Variants in ZNF487 observed in about 807,000 individuals in gnomAD.
The protein encoded by ZNF487 is KRAB domain only 1.
Under a neutral mutation model 3.0 loss-of-function variants are expected in ZNF487, and 4 were observed. That is an observed-to-expected ratio of 1.35 (90% CI 0.66 to 3.08). The LOEUF (loss-of-function observed/expected upper bound fraction) is 3.08, where lower values mean the gene tolerates loss of function less well. ZNF487 is among the 30% of genes most tolerant of loss of function. The pLI is 0.01. For missense variants in ZNF487, 146 were observed against 98.7 expected (o/e 1.48, Z -2.03); for synonymous variants, 55 against 34.6 (o/e 1.59, Z -2.06).
At chr10:43,515,545 A>G in the ZNF487 span, among the ~76,000 whole-genome samples, 2 of 152,182 alleles carry the variant, frequency 1.3e-5, no homozygotes, top group African/African-American at 4.8e-5. Context: ...CACCATTCCA[A>G]GTTGCAGGTC....
intron 1 of ZNF487, among the ~76,000 whole-genome samples, chr10:43,454,937 CAAAAAA>C (rs58217923): frequency 1.2e-5 from 1 of 85,426 alleles, no homozygotes; most frequent in Non-Finnish European, 2.1e-5. Context: ...GACCTTGTCT[CAAAAAA>C]AAAAAAAAAA....
intron 1 of ZNF487, among the ~76,000 whole-genome samples, chr10:43,444,081 C>T (rs1466873234): frequency 6.6e-6 from 1 of 151,784 alleles, no homozygotes; most frequent in Non-Finnish European, 1.5e-5. Flanking sequence ...TCTCCATCTC[C>T]TGACCTCGTG....
intron 1 of ZNF487, among the ~76,000 whole-genome samples, chr10:43,443,806 G>A (rs1339582840): frequency 6.6e-6 from 1 of 151,106 alleles, no homozygotes; most frequent in African/African-American, 2.4e-5. Flanking sequence ...GTACAGACAC[G>A]AACCACTGCA....
At chr10:43,467,165 G>A (rs766314348) in intron 1 of ZNF487, among the ~76,000 whole-genome samples, 2 of 151,890 alleles carry the variant, frequency 1.3e-5, no homozygotes, top group African/African-American at 4.8e-5. Context: ...ATGAGCCGCC[G>A]CACCCGGCCA....
intron 1 of ZNF487, among the ~76,000 whole-genome samples, chr10:43,474,060 C>CT (rs1841000466): frequency 6.6e-6 from 1 of 151,468 alleles, no homozygotes; most frequent in African/African-American, 2.4e-5. Context: ...ACTCAGGAGG[C>CT]TGAGGTAAGA....
At chr10:43,506,711 T>C in the ZNF487 span, among the ~76,000 whole-genome samples, 1 of 152,126 alleles carries the variant, frequency 6.6e-6, no homozygotes, top group African/African-American at 2.4e-5. Context: ...GAAATATCTC[T>C]GTGGTCTTGC....
the ZNF487 span, among the ~76,000 whole-genome samples, chr10:43,511,388 A>G: frequency 1.3e-5 from 2 of 152,186 alleles, no homozygotes; most frequent in Admixed American, 6.5e-5. Context: ...GATGGTGGAT[A>G]AGGCATTCTG....
chr10:43,488,145 C>T (rs897194601), downstream of ZNF487, among the ~76,000 whole-genome samples: 4 of 151,278 alleles, frequency 2.6e-5, no homozygotes, highest in Non-Finnish European at 5.9e-5. Context: ...TAATTGTGAG[C>T]TTTAAAACTA....
intron 1 of ZNF487, among the ~76,000 whole-genome samples, chr10:43,439,569 G>T (rs535200570): frequency 6.6e-6 from 1 of 152,018 alleles, no homozygotes; most frequent in Non-Finnish European, 1.5e-5. Flanking sequence ...TGGGCATGGT[G>T]GTGGGCGCCT....
chr10:43,498,087 ATATATATATATATTTTTTTTTTTTTTCTT>A, the ZNF487 span, among the ~76,000 whole-genome samples: 1 of 13,414 alleles, frequency 7.5e-5, no homozygotes, highest in African/African-American at 3.9e-4. Context: ...ATATATATAT[ATATATATATATATTTTTTTTTTTTTTCTT>A]TTTTTTTTTT....
chr10:43,494,624 AG>A, the ZNF487 span, among the ~76,000 whole-genome samples: 1 of 151,820 alleles, frequency 6.6e-6, no homozygotes, highest in Non-Finnish European at 1.5e-5. Context: ...GGTGGGTTCG[AG>A]ATATACCTTA....
chr10:43,453,224 C>T (rs1280853097), intron 1 of ZNF487: 2 of 152,086 alleles, frequency 1.3e-5, no homozygotes, highest in Non-Finnish European at 2.9e-5. Flanking sequence ...CTTGAGAAAG[C>T]AATGTTCCTT....
rs564311744 is a variant in ZNF487 at position 43,437,878 on chromosome 10, CA to C, written c.-94+617del. Among the ~76,000 whole-genome samples, 333 of 151,750 alleles carry C rather than the reference CA, an allele frequency of 2.2e-3. 2 individuals carry two copies. Among genetic ancestry groups the C allele is most frequent in the African/African-American group, 7.6e-3 (316 of 41,370 alleles). On this transcript the variant is annotated intron_variant, in intron 1 of 3. Coordinates refer to ENST00000437590, the MANE Select transcript of ZNF487 (RefSeq NM_001355444.3). ...TTATTTATTTATTTATAAATAGAAA[CA>C]GGGGTATCACTATGTTGCTCAGGCT...
At chr10:43,470,599 G>T (rs1349865495) in intron 1 of ZNF487, among the ~76,000 whole-genome samples, 1 of 152,022 alleles carries the variant, frequency 6.6e-6, no homozygotes, top group African/African-American at 2.4e-5. Context: ...TGGTCAGGCT[G>T]GTCTTGAACT....
the ZNF487 span, among the ~76,000 whole-genome samples, chr10:43,502,381 G>A: frequency 1.3e-5 from 2 of 152,100 alleles, no homozygotes; most frequent in Middle Eastern, 6.8e-3. Flanking sequence ...GGGGCCTGTC[G>A]TGGGGTGGGG....
At chr10:43,440,394 C>G (rs1203761792) in intron 1 of ZNF487, among the ~76,000 whole-genome samples, 1 of 151,686 alleles carries the variant, frequency 6.6e-6, no homozygotes, top group Non-Finnish European at 1.5e-5. Flanking sequence ...CAGTGGCTCA[C>G]ACCTATAATC....
intron 1 of ZNF487, chr10:43,452,330 G>A (rs530515309): frequency 6.6e-6 from 1 of 152,232 alleles, no homozygotes; most frequent in Non-Finnish European, 1.5e-5. Flanking sequence ...GTGCATTGGA[G>A]CCTTCATTTC....
chr10:43,465,892 G>C (rs538633972), intron 1 of ZNF487, among the ~76,000 whole-genome samples: 1 of 152,314 alleles, frequency 6.6e-6, no homozygotes, highest in African/African-American at 2.4e-5. Flanking sequence ...CTCCAGCCTG[G>C]GCACCATTGA....
At position 43,475,160 on chromosome 10, in the gene ZNF487, C is replaced by T. The variant is rs187150231; in HGVS notation, c.-93-561C>T. Among the ~76,000 whole-genome samples, 10 of 152,190 alleles carry T rather than the reference C, an allele frequency of 6.6e-5. No homozygotes were observed. In the East Asian group the frequency reaches 1.7e-3, roughly 26 times the overall value. On this transcript the variant is annotated intron_variant, in intron 1 of 3. Transcript: ENST00000437590. ...CTTGTGGGGTTGGTTGGAGATTCTCCGGGGACCCTCCCTTATCTGCCTCCT... is the reference window on the plus strand; with the variant it reads ...CTTGTGGGGTTGGTTGGAGATTCTCTGGGGACCCTCCCTTATCTGCCTCCT...
Sources: gnomAD v4.1 joint callset for allele counts (sites outside exome capture counted in the v4.1 genomes callset) on GRCh38, gnomAD v4.1.1 for gene constraint, MANE v1.5 for transcripts, NCBI Gene and HGNC (gene_info 2026-07-23, HGNC 2026-07-21) for gene names.